Variants in GRIA3 observed in about 807,000 individuals in gnomAD.
The protein encoded by GRIA3 is glutamate ionotropic receptor AMPA type subunit 3, also known as glutamate receptor 3.
A neutral mutation model predicts 63.0 loss-of-function variants in GRIA3; 3 were observed. The ratio of observed to expected loss-of-function variants is 0.05; its 90% CI spans 0.02 to 0.12. GRIA3 has a LOEUF of 0.12. Among genes scored for constraint, GRIA3 ranks in the 10% least tolerant of loss-of-function variants. GRIA3 has a pLI of 1.00. For synonymous variants in GRIA3, 274 were observed against 257.9 expected, an observed-to-expected ratio of 1.06 and a Z score of -0.60; for missense variants, 347 against 700.9, an observed-to-expected ratio of 0.50 and a Z score of 5.70.
chrX:123,216,227 T>C (rs902714948), intron 2 of GRIA3, among the ~76,000 whole-genome samples: 56 of 111,905 alleles, frequency 5.0e-4, no homozygotes, highest in African/African-American at 1.8e-3. Flanking sequence ...GAGTTGGAGA[T>C]TTTTTCCATC....
At chrX:123,275,410 T>G (rs914741243) in intron 3 of GRIA3, among the ~76,000 whole-genome samples, 3 of 112,352 alleles carry the variant, frequency 2.7e-5, no homozygotes, top group African/African-American at 9.7e-5. Flanking sequence ...ATTTGACCAC[T>G]AGGCTTTACC....
chrX:123,435,549 G>A (rs1294462648), intron 12 of GRIA3, among the ~76,000 whole-genome samples: 7 of 111,623 alleles, frequency 6.3e-5, no homozygotes, highest in Non-Finnish European at 5.6e-5. Flanking sequence ...ATCATCTCCC[G>A]GTTGATCTAT....
intron 15 of GRIA3, 62 bp downstream of exon 15, chrX:123,483,108 C>CT: frequency 3.5e-6 from 3 of 856,625 alleles, no homozygotes; most frequent in Admixed American, 3.0e-5. Flanking sequence ...CTCTTTTTTT[C>CT]TTCTTTTTTT....
chrX:123,322,085 G>A (rs755518162), intron 3 of GRIA3, among the ~76,000 whole-genome samples: 3 of 111,522 alleles, frequency 2.7e-5, no homozygotes, highest in Non-Finnish European at 1.9e-5. Flanking sequence ...GAGGATCTGG[G>A]TGGTACAGCA....
intron 5 of GRIA3, among the ~76,000 whole-genome samples, chrX:123,379,807 C>A (rs1205874376): frequency 2.5e-5 from 2 of 80,423 alleles, no homozygotes; most frequent in African/African-American, 9.3e-5. Context: ...CCCCACCCCA[C>A]AACAGGCCCC....
intron 10 of GRIA3, among the ~76,000 whole-genome samples, chrX:123,410,634 G>T (rs1000984374): frequency 8.9e-6 from 1 of 111,937 alleles, no homozygotes; most frequent in African/African-American, 3.2e-5. Context: ...AAAAGGCAGA[G>T]AAGCAAGGGT....
intron 2 of GRIA3, among the ~76,000 whole-genome samples, chrX:123,244,193 G>T (rs1379689999): frequency 8.9e-6 from 1 of 112,126 alleles, no homozygotes; most frequent in Non-Finnish European, 1.9e-5. Context: ...ACCCCAAGAT[G>T]GTAATTAAAC....
At chrX:123,369,198 A>C (rs2045232380) in intron 5 of GRIA3, among the ~76,000 whole-genome samples, 1 of 112,013 alleles carries the variant, frequency 8.9e-6, no homozygotes, top group South Asian at 3.7e-4. Flanking sequence ...TCAATTTTCC[A>C]AACTCAAGGA....
chrX:123,381,630 T>C (rs758565315), intron 5 of GRIA3, among the ~76,000 whole-genome samples: 12 of 111,906 alleles, frequency 1.1e-4, no homozygotes, highest in African/African-American at 3.9e-4. Context: ...CCTTTTCTCC[T>C]TTCCCCTCTT....
chrX:123,206,097 A>G (rs1927880883), intron 2 of GRIA3, among the ~76,000 whole-genome samples: 1 of 111,830 alleles, frequency 8.9e-6, no homozygotes, highest in Non-Finnish European at 1.9e-5. Flanking sequence ...GATCTGGAAA[A>G]CATAACTCAT....
rs767432974 is a variant in GRIA3 at position 123,402,950 on chromosome X, A to G, written c.1081-44A>G. 4.2e-6 allele frequency: 3 copies of G among 710,961 alleles called. No homozygotes were observed. In the East Asian group the frequency reaches 1.0e-4, roughly 24 times the overall value. 58.6% of individuals were successfully genotyped at this position (710,961 alleles called of 1,213,427 possible). The stretch of plus-strand genomic sequence containing the variant: ...TCATCCCAGAGACTTAGAAGGCAAT[A>G]ATGCCGTGCTATTTTTAAATTTTAA... On this transcript the variant is annotated intron_variant, in intron 7 of 15. Transcript: ENST00000620443.
chrX:123,376,687 G>T (rs1027871545), intron 5 of GRIA3, among the ~76,000 whole-genome samples: 1 of 111,107 alleles, frequency 9.0e-6, no homozygotes, highest in African/African-American at 3.3e-5. Context: ...GGTATTTAGT[G>T]GTCATTTCTG....
At chrX:123,416,063 T>C (rs1021388387) in intron 10 of GRIA3, among the ~76,000 whole-genome samples, 17 of 111,651 alleles carry the variant, frequency 1.5e-4, no homozygotes, top group Non-Finnish European at 3.0e-4. Flanking sequence ...ATCTCCAACA[T>C]GGGAATGGTG....
intron 5 of GRIA3, among the ~76,000 whole-genome samples, chrX:123,377,098 C>A (rs2147366148): frequency 9.1e-6 from 1 of 109,955 alleles, no homozygotes; most frequent in South Asian, 4.0e-4. Context: ...CCATGCCCGG[C>A]TAATTTTTTT....
intron 11 of GRIA3, among the ~76,000 whole-genome samples, chrX:123,420,245 C>T (rs1215336516): frequency 8.9e-6 from 1 of 112,030 alleles, no homozygotes; most frequent in Non-Finnish European, 1.9e-5. Flanking sequence ...AGATTATCCA[C>T]TTGGACCATA....
chrX:123,344,848 G>T (rs2045033549), intron 4 of GRIA3, among the ~76,000 whole-genome samples: 1 of 111,359 alleles, frequency 9.0e-6, no homozygotes, highest in South Asian at 3.8e-4. Context: ...TGAGGGTCCT[G>T]CTTTTAGATT....
chrX:123,218,482 C>T (rs1450647266), intron 2 of GRIA3, among the ~76,000 whole-genome samples: 2 of 110,989 alleles, frequency 1.8e-5, no homozygotes, highest in African/African-American at 6.6e-5. Flanking sequence ...TTTTTTGACA[C>T]GGAGTCTCGC....
At chrX:123,280,314 T>C (rs1378075899) in intron 3 of GRIA3, among the ~76,000 whole-genome samples, 1 of 112,404 alleles carries the variant, frequency 8.9e-6, no homozygotes, top group East Asian at 2.8e-4. Context: ...TTATTTCACA[T>C]TCATCTTTTG....
intron 2 of GRIA3, among the ~76,000 whole-genome samples, chrX:123,202,320 C>T (rs1927764220): frequency 2.7e-5 from 3 of 112,332 alleles, no homozygotes; most frequent in Admixed American, 9.4e-5. Context: ...TTCAACAGCA[C>T]AGAAGGTTAT....
Sources: gnomAD v4.1 joint callset for allele counts (sites outside exome capture counted in the v4.1 genomes callset) on GRCh38, gnomAD v4.1.1 for gene constraint, MANE v1.5 for transcripts, NCBI Gene and HGNC (gene_info 2026-07-23, HGNC 2026-07-21) for gene names.